The following PCDH15 variants were observed in gnomAD, a reference collection of about 807,000 sequenced individuals.
The protein encoded by PCDH15 is protocadherin related 15, also known as protocadherin-15.
In PCDH15, 129 loss-of-function variants were observed where a neutral mutation model predicts 178.5. That is an observed-to-expected ratio of 0.72 (90% confidence interval 0.63 to 0.84). PCDH15 has a LOEUF of 0.84. PCDH15 is among the 40% of genes least tolerant of loss of function. PCDH15 has a pLI of 0.00. For missense variants in PCDH15, 2,230 were observed against 2,099.9 expected (o/e 1.06, Z -1.21); for synonymous variants, 800 against 732.0 (o/e 1.09, Z -1.50).
intron 10 of PCDH15, among the ~76,000 whole-genome samples, chr10:54,196,167 G>C (rs2049615930): frequency 6.6e-6 from 1 of 152,046 alleles, no homozygotes; most frequent in Non-Finnish European, 1.5e-5. Context: ...TTTTGAGACA[G>C]AGTCTTGCTC....
chr10:54,468,613 T>G (rs1203823321), intron 3 of PCDH15, among the ~76,000 whole-genome samples: 1 of 152,194 alleles, frequency 6.6e-6, no homozygotes, highest in Non-Finnish European at 1.5e-5. Flanking sequence ...GAAGAATGTG[T>G]GTTCTACTCC....
intron 2 of PCDH15, among the ~76,000 whole-genome samples, chr10:55,053,434 T>C (rs1409215705): frequency 6.6e-6 from 1 of 152,186 alleles, no homozygotes; most frequent in Non-Finnish European, 1.5e-5. Flanking sequence ...CACTCTCTTG[T>C]TCAAAGTATT....
rs1011227756 is a variant in PCDH15, at chr10:55,350,302, A to C, written c.-155-183651T>G. On this transcript the variant is annotated intron_variant, in intron 2 of 5. Coordinates refer to the PCDH15 transcript ENST00000613346. ...ACACACACACATACATACACACACA[A>C]ACATACATACATATCATTATTTAAA... is the stretch of plus-strand genomic sequence containing the variant. Among the ~76,000 whole-genome samples, 12 of 138,554 alleles carry C rather than the reference A, an allele frequency of 8.7e-5. No homozygotes were observed. In the East Asian group the frequency reaches 2.3e-3, roughly 27 times the overall value. 90.9% of individuals were successfully genotyped at this position (138,554 alleles called of 152,430 possible).
chr10:54,611,200 ATG>A (rs1332849098), intron 2 of PCDH15, among the ~76,000 whole-genome samples: 3 of 151,842 alleles, frequency 2.0e-5, no homozygotes, highest in African/African-American at 7.2e-5. Flanking sequence ...TTGCCAAGTT[ATG>A]TGTCTTTAAA....
At chr10:55,558,811 C>A (rs765496277) in intron 2 of PCDH15, among the ~76,000 whole-genome samples, 49 of 151,964 alleles carry the variant, frequency 3.2e-4, no homozygotes, top group Non-Finnish European at 5.0e-4. Flanking sequence ...ATTTTACCTA[C>A]CTTAAATAGA....
intron 16 of PCDH15, among the ~76,000 whole-genome samples, chr10:54,087,837 A>G (rs1211467491): frequency 6.6e-6 from 1 of 152,160 alleles, no homozygotes; most frequent in East Asian, 1.9e-4. Flanking sequence ...GCAGTTTCTC[A>G]TGAATGGTTG....
chr10:55,024,599 A>C (rs1840429725), intron 2 of PCDH15, among the ~76,000 whole-genome samples: 1 of 152,018 alleles, frequency 6.6e-6, no homozygotes, highest in Admixed American at 6.6e-5. Flanking sequence ...TTTAGAACTG[A>C]ACTCATCTTC....
At chr10:55,159,112 G>A (rs1263733138) in intron 2 of PCDH15, among the ~76,000 whole-genome samples, 4 of 151,830 alleles carry the variant, frequency 2.6e-5, no homozygotes, top group Non-Finnish European at 4.4e-5. Flanking sequence ...CTAGTGAATG[G>A]TGGTCTTGGG....
intron 3 of PCDH15, among the ~76,000 whole-genome samples, chr10:54,838,750 G>A (rs1953365625): frequency 6.6e-6 from 1 of 152,112 alleles, no homozygotes; most frequent in South Asian, 2.1e-4. Context: ...CTAGAGGCAG[G>A]CCTGTCAATC....
At chr10:55,090,218 G>T (rs1401515613) in intron 2 of PCDH15, among the ~76,000 whole-genome samples, 2 of 151,766 alleles carry the variant, frequency 1.3e-5, no homozygotes, top group Non-Finnish European at 2.9e-5. Context: ...TCAAAGAAAA[G>T]CATTAAACTT....
At chr10:54,385,717 C>T (rs986129110) in intron 3 of PCDH15, among the ~76,000 whole-genome samples, 6 of 152,084 alleles carry the variant, frequency 3.9e-5, no homozygotes, top group Admixed American at 1.3e-4. Context: ...AAGTCATATT[C>T]CTTTTCAATA....
intron 3 of PCDH15, among the ~76,000 whole-genome samples, chr10:54,876,318 A>G (rs1584905): frequency 0.96 from 145,822 of 152,224 alleles, 69,952 homozygotes; most frequent in East Asian, 0.99. Context: ...GGATGTACAA[A>G]GAAGGAAATG....
At chr10:55,407,807 T>G (rs1463025325) in intron 2 of PCDH15, among the ~76,000 whole-genome samples, 2 of 152,174 alleles carry the variant, frequency 1.3e-5, no homozygotes, top group African/African-American at 2.4e-5. Flanking sequence ...GTATAAAATC[T>G]GAAAATGGAT....
chr10:54,120,290 A>G (rs944605742), intron 15 of PCDH15, among the ~76,000 whole-genome samples: 1 of 152,236 alleles, frequency 6.6e-6, no homozygotes, highest in African/African-American at 2.4e-5. Context: ...ACCAAGAACC[A>G]TATCTGCTAC....
intron 21 of PCDH15, among the ~76,000 whole-genome samples, chr10:53,971,400 C>T (rs1160656144): frequency 2.0e-5 from 3 of 152,140 alleles, no homozygotes; most frequent in Admixed American, 2.0e-4. Flanking sequence ...CCCTATCTCA[C>T]CACTCTTATT....
chr10:55,147,258 T>C (rs926848364), intron 2 of PCDH15, among the ~76,000 whole-genome samples: 2 of 151,386 alleles, frequency 1.3e-5, no homozygotes, highest in African/African-American at 4.8e-5. Flanking sequence ...CCATGGCTTA[T>C]AAAATTGACA....
chr10:54,752,492 CA>C (rs1227186569), intron 1 of PCDH15, among the ~76,000 whole-genome samples: 3 of 67,840 alleles, frequency 4.4e-5, no homozygotes, highest in African/African-American at 1.6e-4. Flanking sequence ...AAAAAAAAAA[CA>C]AAAAACAAAA....
At chr10:54,795,210 G>A (rs913642921) in intron 1 of PCDH15, among the ~76,000 whole-genome samples, 1 of 151,228 alleles carries the variant, frequency 6.6e-6, no homozygotes, top group East Asian at 1.9e-4. Context: ...GTCCTTGGTC[G>A]ATCTTCACTC....
At chr10:54,429,551 A>AT (rs1000883455) in intron 3 of PCDH15, among the ~76,000 whole-genome samples, 17 of 152,228 alleles carry the variant, frequency 1.1e-4, no homozygotes, top group African/African-American at 4.1e-4. Context: ...GGCTGAATGG[A>AT]TTTAAAAAAA....
Sources: gnomAD v4.1 joint callset for allele counts (sites outside exome capture counted in the v4.1 genomes callset) on GRCh38, gnomAD v4.1.1 for gene constraint, MANE v1.5 for transcripts, NCBI Gene and HGNC (gene_info 2026-07-23, HGNC 2026-07-21) for gene names.